Variants in CCSER1 observed in about 807,000 individuals in gnomAD.
CCSER1 encodes serine-rich coiled-coil domain-containing protein 1.
In CCSER1, 41 loss-of-function variants were observed where a neutral mutation model predicts 82.0. The ratio of observed to expected loss-of-function variants is 0.50; its 90% CI spans 0.39 to 0.65. The LOEUF (loss-of-function observed/expected upper bound fraction) is 0.65, where lower values mean the gene tolerates loss of function less well. Ranked by LOEUF, CCSER1 falls within the 30% of genes least tolerant of loss-of-function variation. CCSER1 has a pLI of 0.00. For synonymous variants in CCSER1, 414 were observed against 383.9 expected (o/e 1.08, Z -0.92); for missense variants, 1,119 against 1,064.2 (o/e 1.05, Z -0.72).
intron 10 of CCSER1, among the ~76,000 whole-genome samples, chr4:91,577,827 C>T (rs1166061118): frequency 6.6e-6 from 1 of 151,788 alleles, no homozygotes; most frequent in Admixed American, 6.6e-5. Flanking sequence ...TATTTTATCT[C>T]TTATTATGTG....
chr4:90,423,111 A>G (rs1482210807), intron 4 of CCSER1, among the ~76,000 whole-genome samples: 1 of 152,194 alleles, frequency 6.6e-6, no homozygotes, highest in African/African-American at 2.4e-5. Flanking sequence ...TAGAGCATTC[A>G]TAGATCAGAA....
At chr4:90,374,003 T>A (rs1310586553) in intron 3 of CCSER1, among the ~76,000 whole-genome samples, 11 of 152,216 alleles carry the variant, frequency 7.2e-5, no homozygotes, top group Non-Finnish European at 1.3e-4. Context: ...TTGTGACTAA[T>A]AAAGTCCTTT....
intron 8 of CCSER1, among the ~76,000 whole-genome samples, chr4:90,906,020 A>G (rs1725418544): frequency 1.3e-5 from 2 of 152,168 alleles, no homozygotes; most frequent in Admixed American, 6.6e-5. Flanking sequence ...CTGAATTAAT[A>G]AATTACAGAT....
intron 10 of CCSER1, among the ~76,000 whole-genome samples, chr4:91,329,689 T>C (rs966010398): frequency 6.6e-6 from 1 of 152,180 alleles, no homozygotes; most frequent in African/African-American, 2.4e-5. Context: ...CTCTTGTGTC[T>C]CTTCTCATTA....
intron 3 of CCSER1, among the ~76,000 whole-genome samples, chr4:90,371,287 G>A (rs547148829): frequency 4.6e-5 from 7 of 151,868 alleles, no homozygotes; most frequent in Non-Finnish European, 8.8e-5. Flanking sequence ...ATAACAAATT[G>A]TGAAGTATAT....
chr4:91,174,543 C>G (rs559976299), intron 10 of CCSER1, among the ~76,000 whole-genome samples: 34 of 152,170 alleles, frequency 2.2e-4, no homozygotes, highest in Non-Finnish European at 4.4e-4. Context: ...TTGCTGCACC[C>G]ATCAACCCGT....
chr4:90,470,508 T>C (rs1340240429), intron 5 of CCSER1, among the ~76,000 whole-genome samples: 3 of 152,164 alleles, frequency 2.0e-5, no homozygotes, highest in Admixed American at 6.5e-5. Context: ...GTGCTGGTGG[T>C]TATTGGCTCA....
At chr4:90,883,649 G>C (rs1219332748) in intron 8 of CCSER1, among the ~76,000 whole-genome samples, 6 of 152,140 alleles carry the variant, frequency 3.9e-5, no homozygotes, top group Non-Finnish European at 7.3e-5. Flanking sequence ...ATAAAGTGGA[G>C]AGTGGCAGAG....
chr4:91,337,621 T>C (rs1012868625), intron 10 of CCSER1, among the ~76,000 whole-genome samples: 6 of 152,078 alleles, frequency 3.9e-5, no homozygotes, highest in Non-Finnish European at 8.8e-5. Context: ...TCTTTTGGAG[T>C]ATTTCTGGGC....
chr4:91,566,808 T>TATCTA (rs1279571980), intron 10 of CCSER1, among the ~76,000 whole-genome samples: 3 of 152,126 alleles, frequency 2.0e-5, no homozygotes, highest in Non-Finnish European at 2.9e-5. Context: ...GCTAGTAACC[T>TATCTA]ATCTATTTTA....
chr4:91,576,068 A>C (rs929906514), intron 10 of CCSER1, among the ~76,000 whole-genome samples: 1 of 152,050 alleles, frequency 6.6e-6, no homozygotes, highest in Non-Finnish European at 1.5e-5. Context: ...TCATTGCAGC[A>C]TTATTCACAA....
At chr4:90,483,778 C>A (rs2153599822) in intron 5 of CCSER1, among the ~76,000 whole-genome samples, 2 of 152,270 alleles carry the variant, frequency 1.3e-5, no homozygotes, top group South Asian at 4.1e-4. Context: ...GTGGATAACC[C>A]AACCTTTCTC....
chr4:91,420,372 G>T (rs1414518804), intron 10 of CCSER1, among the ~76,000 whole-genome samples: 1 of 151,988 alleles, frequency 6.6e-6, no homozygotes, highest in Non-Finnish European at 1.5e-5. Flanking sequence ...ATTTAAAAAT[G>T]GGCAAAGGAC....
chr4:90,413,819 G>C (rs1031205550), intron 4 of CCSER1, among the ~76,000 whole-genome samples: 1 of 149,258 alleles, frequency 6.7e-6, no homozygotes, highest in Admixed American at 6.7e-5. Context: ...CGTAGTGGCG[G>C]GCGCCTGTAG....
At chr4:91,479,749 T>A (rs1317434444) in intron 10 of CCSER1, among the ~76,000 whole-genome samples, 1 of 149,476 alleles carries the variant, frequency 6.7e-6, no homozygotes, top group East Asian at 1.9e-4. Context: ...TATTATTAAT[T>A]TTTTTATTAT....
intron 5 of CCSER1, among the ~76,000 whole-genome samples, chr4:90,604,727 C>T (rs558204496): frequency 6.6e-4 from 100 of 152,206 alleles, no homozygotes; most frequent in Non-Finnish European, 1.2e-3. Flanking sequence ...TTTGTAAATG[C>T]GCCAATCAGT....
intron 10 of CCSER1, among the ~76,000 whole-genome samples, chr4:91,268,923 C>G (rs909670539): frequency 6.6e-6 from 1 of 152,082 alleles, no homozygotes; most frequent in Non-Finnish European, 1.5e-5. Context: ...GCCATCTGGA[C>G]GTATACGTGC....
chr4:91,407,926 G>A (rs1054353283), intron 10 of CCSER1, among the ~76,000 whole-genome samples: 4 of 152,100 alleles, frequency 2.6e-5, no homozygotes, highest in African/African-American at 9.7e-5. Flanking sequence ...AGAGGGTTGG[G>A]AAATTTACCC....
intron 10 of CCSER1, among the ~76,000 whole-genome samples, chr4:91,588,141 C>A (rs780316398): frequency 6.6e-6 from 1 of 151,110 alleles, no homozygotes. Flanking sequence ...TTAAGGATGA[C>A]TAACTTTGAA....
Sources: allele counts gnomAD v4.1 joint callset (sites outside exome capture counted in the v4.1 genomes callset), GRCh38; gene constraint gnomAD v4.1.1; transcripts MANE v1.5; gene names NCBI Gene and HGNC (gene_info 2026-07-23, HGNC 2026-07-21).